Variants in GRWD1 observed in about 807,000 individuals in gnomAD.
The protein encoded by GRWD1 is glutamate-rich WD repeat-containing protein 1.
GRWD1 carries 29 observed loss-of-function variants against 45.3 expected under a neutral mutation model. That is an observed-to-expected ratio of 0.64 (90% CI 0.48 to 0.87). GRWD1 has a LOEUF of 0.87. Ranked by LOEUF, GRWD1 falls within the 40% of genes least tolerant of loss-of-function variation. The pLI is 0.00. For synonymous variants in GRWD1, 262 were observed against 257.6 expected (o/e 1.02, Z -0.16); for missense variants, 592 against 618.8 (o/e 0.96, Z 0.46).
At position 48,453,303 on chromosome 19, in the gene GRWD1, C is replaced by T. The variant is rs967975549; in HGVS notation, c.*278C>T. On this transcript the variant is annotated 3_prime_UTR_variant, in exon 7 of 7. Transcript: ENST00000253237. ...TGTGTGTCGGATTCCTTCCTGTCAG[C>T]TGTGACCCATTTGACCTGTGTCCCC... 1.6e-5 allele frequency: 6 copies of T among 374,122 alleles called. No individual in the cohort carries two copies. The highest frequency in any genetic ancestry group is 1.4e-4 in the South Asian group (2 of 14,602). 23.2% of individuals were successfully genotyped at this position (374,122 alleles called of 1,614,324 possible).
At position 48,450,651 on chromosome 19, in the gene GRWD1, G is replaced by A. The variant is rs1227976847; in HGVS notation, c.683-15G>A. ...GCCAGGTGGGGCGAGGTCATTTCCT[G>A]ACTCCCTTCCCCAGGTCGCCTGCTG... is the stretch of plus-strand genomic sequence containing the variant. On this transcript the variant is annotated splice_polypyrimidine_tract_variant and intron_variant, in intron 4 of 6. Coordinates refer to ENST00000253237, the MANE Select transcript of GRWD1 (RefSeq NM_031485.4). The surrounding 1 kb of genome is among the most constrained non-coding windows in gnomAD (Gnocchi z 5.1). 6.2e-6 allele frequency: 10 copies of A among 1,612,612 alleles called. No individual in the cohort carries two copies. Among genetic ancestry groups the A allele is most frequent in the Non-Finnish European group, 8.5e-6 (10 of 1,179,378 alleles).
chr19:48,453,076 T>C lies in GRWD1; in HGVS notation c.*51T>C, dbSNP rs765832367. On this transcript the variant is annotated 3_prime_UTR_variant, in exon 7 of 7. Transcript: ENST00000253237. ...TTCCTGCTTGGAAACTGAAGTCGAA[T>C]TGGGCTCCCCTGGAAGGGGTTCATT... 24 of 1,503,608 alleles carry C rather than the reference T, an allele frequency of 1.6e-5. No homozygotes were observed. Among genetic ancestry groups the C allele is most frequent in the African/African-American group, 4.1e-5 (3 of 72,562 alleles). 93.1% of individuals were successfully genotyped at this position (1,503,608 alleles called of 1,614,324 possible).
chr19:48,446,401 C>T lies in GRWD1; in HGVS notation c.204C>T (p.Ser68=), dbSNP rs767319994. 4.3e-6 allele frequency: 7 copies of T among 1,614,198 alleles called. No homozygotes were observed. In the South Asian group the frequency reaches 5.5e-5, roughly 13 times the overall value. ...HRAQTGAPCL[S]FDIVRDHLGD... is the part of the protein sequence containing the mutation. ...CATCCCCAGGCGCCCCCTGTCTCAGCTTTGACATAGTCCGGGATCACCTGG... is the reference window on the plus strand; with the variant it reads ...CATCCCCAGGCGCCCCCTGTCTCAGTTTTGACATAGTCCGGGATCACCTGG... The change falls in exon 2 of 7, where the codon AGC becomes AGT. Residue 68 remains serine, a synonymous_variant. Transcript: ENST00000253237.
Position 48,450,072 on chromosome 19 carries a change from C to G in GRWD1, c.469-241C>G, listed in dbSNP as rs1971453224. 6.6e-6 allele frequency among the ~76,000 whole-genome samples: 1 copy of G among 151,968 alleles called. No homozygotes were observed. Among genetic ancestry groups the G allele is most frequent in the South Asian group, 2.1e-4 (1 of 4,814 alleles). On this transcript the variant is annotated intron_variant, in intron 3 of 6. Transcript: ENST00000253237. The surrounding 1 kb of genome is among the most constrained non-coding windows in gnomAD (Gnocchi z 5.1). ...ACTCCCAGGCATCCTGGGGCTCTAT[C>G]CTCCCACCTCAGCTCCCCCACCCAC...
At chr19:48,449,250 C>T (rs1226964437) in intron 3 of GRWD1, among the ~76,000 whole-genome samples, 5 of 152,138 alleles carry the variant, frequency 3.3e-5, no homozygotes, top group African/African-American at 4.8e-5. Context: ...CCCACCAGCA[C>T]GCCCGACTAA....
Position 48,446,176 on chromosome 19 carries a change from C to T in GRWD1, c.171C>T (p.Tyr57=). The change falls in exon 1 of 7, where the codon TAC becomes TAT. Residue 57 remains tyrosine, a synonymous_variant. Coordinates refer to ENST00000253237, the MANE Select transcript of GRWD1 (RefSeq NM_031485.4). ...TGGACGAGGAGGCCTATGTGCTCTA[C>T]CACCGAGCGCAGACTGGTAGGGCTG... The part of the protein sequence containing the change: ...LVMDEEAYVL[Y]HRAQTGAPCL... 1 of 1,600,992 alleles carries T rather than the reference C, an allele frequency of 6.2e-7. No homozygotes were observed. The highest frequency in any genetic ancestry group is 8.5e-7 in the Non-Finnish European group (1 of 1,176,248).
At chr19:48,448,721 G>C (rs1971438612) in intron 3 of GRWD1, among the ~76,000 whole-genome samples, 1 of 152,230 alleles carries the variant, frequency 6.6e-6, no homozygotes, top group African/African-American at 2.4e-5. Context: ...CAAAGGCCCT[G>C]GGGTGAGCTT....
Position 48,453,049 on chromosome 19 carries a change from G to C in GRWD1, c.*24G>C. The C allele has an allele frequency of 6.5e-7, 1 of 1,543,526 alleles. No individual in the cohort carries two copies. On this transcript the variant is annotated 3_prime_UTR_variant, in exon 7 of 7. Transcript: ENST00000253237. ...GAGGCGTCCCACTGGCTCTGATCTT[G>C]CTTCCTGCTTGGAAACTGAAGTCGA...
Position 48,446,778 on chromosome 19 carries a change from G to A in GRWD1, c.403G>A (p.Glu135Lys), listed in dbSNP as rs1339980137. 1.9e-6 allele frequency: 3 copies of A among 1,614,172 alleles called. No individual in the cohort carries two copies. The highest frequency in any genetic ancestry group is 4.5e-5 in the East Asian group (2 of 44,884). Residue 135 changes from glutamate to lysine, a missense_variant, in exon 3 of 7, where the codon GAA becomes AAA. Physicochemically the swap from Glu to Lys is moderately conservative, Grantham distance 56 (BLOSUM62 1). Transcript: ENST00000253237. ...EEEEEDEEDE[E>K]ERKPQLELAM... ...AGAGGAGGAAGATGAAGAGGATGAAGAAGAGCGGAAACCTCAGCTGGAGCT... is the reference window on the plus strand; with the variant it reads ...AGAGGAGGAAGATGAAGAGGATGAAAAAGAGCGGAAACCTCAGCTGGAGCT...
At chr19:48,449,485 G>A (rs1364673797) in intron 3 of GRWD1, among the ~76,000 whole-genome samples, 2 of 152,164 alleles carry the variant, frequency 1.3e-5, no homozygotes, top group Non-Finnish European at 2.9e-5. Flanking sequence ...TGGAGAGAGA[G>A]CAGTTGCAGG....
chr19:48,449,903 C>T (rs752185099), intron 3 of GRWD1, among the ~76,000 whole-genome samples: 4 of 152,124 alleles, frequency 2.6e-5, no homozygotes, highest in African/African-American at 4.8e-5. Context: ...TTGGAAACCT[C>T]GTGGCTGGAC....
At chr19:48,449,146 C>T (rs544617354) in intron 3 of GRWD1, among the ~76,000 whole-genome samples, 17 of 151,990 alleles carry the variant, frequency 1.1e-4, no homozygotes, top group African/African-American at 3.9e-4. Context: ...CAGGCCGGAG[C>T]GCAATGGTGC....
chr19:48,449,551 A>G (rs772208243), intron 3 of GRWD1, among the ~76,000 whole-genome samples: 2 of 152,210 alleles, frequency 1.3e-5, no homozygotes, highest in Non-Finnish European at 2.9e-5. Context: ...AGGCTGGCAC[A>G]GTGGCTGATG....
In GRWD1 at chr19:48,455,883, A is replaced by G. The variant is rs1484148103; in HGVS notation, c.*2858A>G. 6.6e-6 allele frequency: 1 copy of G among 152,412 alleles called. No homozygotes were observed. Among genetic ancestry groups the G allele is most frequent in the Non-Finnish European group, 1.5e-5 (1 of 68,198 alleles). 9.4% of individuals were successfully genotyped at this position (152,412 alleles called of 1,614,324 possible). A position where few individuals can be genotyped will look rare whatever the true frequency, so the allele number is the denominator to read the frequency against. ...GGTGAGCAGTGGGGTCTGAGAGTCCAGTGGGGGCTGTGGGCATGTCGGGAG... is the reference window on the plus strand; with the variant it reads ...GGTGAGCAGTGGGGTCTGAGAGTCCGGTGGGGGCTGTGGGCATGTCGGGAG... On this transcript the variant is annotated 3_prime_UTR_variant, in exon 7 of 7. Transcript: ENST00000253237.
In GRWD1 at chr19:48,450,419, C is replaced by T. The variant is rs745939644; in HGVS notation, c.575C>T (p.Ala192Val). 5.0e-6 allele frequency: 8 copies of T among 1,613,904 alleles called. No individual in the cohort carries two copies. The highest frequency in any genetic ancestry group is 1.7e-4 in the Middle Eastern group (1 of 6,006). Residue 192 changes from alanine (A) to valine (V), a missense_variant, in exon 4 of 7, where the codon GCC becomes GTC. By Grantham distance (64) the Ala-to-Val change is moderately conservative (BLOSUM62 0). Transcript: ENST00000253237. The surrounding 1 kb of genome is among the most constrained non-coding windows in gnomAD (Gnocchi z 5.1). ...CTGCAGGTGGTGGAGGAGCCCCAGG[C>T]CCTGGCAGCCTTCCTCCGGGATGAG... ...RLLQVVEEPQALAAFLRDEQA... is the reference protein window; with the variant it reads ...RLLQVVEEPQVLAAFLRDEQA...
chr19:48,449,919 C>G (rs917517207), intron 3 of GRWD1, among the ~76,000 whole-genome samples: 1 of 152,116 alleles, frequency 6.6e-6, no homozygotes, highest in Non-Finnish European at 1.5e-5. Flanking sequence ...TGGACTGGGT[C>G]TCCTAGTGAA....
intron 3 of GRWD1, 62 bp downstream of exon 3, chr19:48,446,905 G>T (rs980762349): frequency 8.2e-6 from 11 of 1,336,314 alleles, no homozygotes; most frequent in African/African-American, 4.5e-5. Flanking sequence ...CATCCCCTGT[G>T]TCCATAACTC....
chr19:48,449,610 A>G (rs1198542957), intron 3 of GRWD1, among the ~76,000 whole-genome samples: 1 of 152,180 alleles, frequency 6.6e-6, no homozygotes, highest in African/African-American at 2.4e-5. Flanking sequence ...ATCGCTTGAG[A>G]CCAGGAGTTC....
intron 3 of GRWD1, among the ~76,000 whole-genome samples, chr19:48,449,234 C>T (rs1971443824): frequency 1.3e-5 from 2 of 152,146 alleles, no homozygotes; most frequent in South Asian, 2.1e-4. Flanking sequence ...GCTGGGATTA[C>T]AGCCACCCAC....
Sources: gnomAD v4.1 joint callset for allele counts (sites outside exome capture counted in the v4.1 genomes callset) on GRCh38, gnomAD v4.1.1 for gene constraint, Gnocchi (gnomAD v3.1) non-coding constraint, MANE v1.5 for transcripts, NCBI Gene and HGNC (gene_info 2026-07-23, HGNC 2026-07-21) for gene names.